The following GRIN2A variants were observed in gnomAD, a reference collection of about 807,000 sequenced individuals.
GRIN2A encodes the protein glutamate receptor ionotropic, NMDA 2A.
GRIN2A carries 22 observed loss-of-function variants against 113.4 expected under a neutral mutation model. The ratio of observed to expected loss-of-function variants is 0.19; its 90% confidence interval spans 0.14 to 0.28. The LOEUF is 0.28. GRIN2A is among the 10% of genes least tolerant of loss of function. GRIN2A has a pLI of 1.00. For synonymous variants in GRIN2A, 827 were observed against 738.4 expected (o/e 1.12, Z -1.94); for missense variants, 1,502 against 1,887.0 (o/e 0.80, Z 3.78).
At chr16:9,825,838 C>A (rs147534715) in intron 9 of GRIN2A, among the ~76,000 whole-genome samples, 27 of 152,228 alleles carry the variant, frequency 1.8e-4, no homozygotes, top group African/African-American at 6.5e-4. Flanking sequence ...CATTCCTGGG[C>A]TCATCCACTG....
chr16:9,883,802 A>G (rs1042940023), intron 4 of GRIN2A, among the ~76,000 whole-genome samples: 2 of 152,280 alleles, frequency 1.3e-5, no homozygotes, highest in Admixed American at 6.5e-5. Context: ...TCTGTGCAAA[A>G]TGCACCTGAA....
chr16:10,171,746 C>T (rs1291437360), intron 2 of GRIN2A, among the ~76,000 whole-genome samples: 1 of 152,188 alleles, frequency 6.6e-6, no homozygotes, highest in Admixed American at 6.5e-5. Context: ...GACACAATAA[C>T]AATAGCATTC....
chr16:9,880,412 A>C (rs1000030828), intron 4 of GRIN2A, among the ~76,000 whole-genome samples: 15 of 152,178 alleles, frequency 9.9e-5, no homozygotes, highest in African/African-American at 3.6e-4. Context: ...ACCCACGATT[A>C]CTTTTGCCCC....
intron 2 of GRIN2A, among the ~76,000 whole-genome samples, chr16:9,960,329 G>A (rs2045412322): frequency 6.6e-6 from 1 of 152,138 alleles, no homozygotes; most frequent in Non-Finnish European, 1.5e-5. Context: ...TAAATAAACA[G>A]ATAAAAAACT....
intron 2 of GRIN2A, among the ~76,000 whole-genome samples, chr16:10,086,311 A>C (rs1362542228): frequency 1.3e-5 from 2 of 152,176 alleles, no homozygotes; most frequent in South Asian, 2.1e-4. Context: ...GGCCACAGGA[A>C]TGCTCAACAG....
intron 2 of GRIN2A, among the ~76,000 whole-genome samples, chr16:9,985,539 C>A (rs2045964632): frequency 6.6e-6 from 1 of 151,418 alleles, no homozygotes; most frequent in South Asian, 2.1e-4. Context: ...TCATTTGCAA[C>A]AATATGGATG....
chr16:9,863,800 A>G (rs2043113747), intron 4 of GRIN2A, among the ~76,000 whole-genome samples: 1 of 152,208 alleles, frequency 6.6e-6, no homozygotes, highest in South Asian at 2.1e-4. Flanking sequence ...GGCCAACACA[A>G]CACAATTCTG....
intron 5 of GRIN2A, among the ~76,000 whole-genome samples, chr16:9,848,389 T>C (rs1181319745): frequency 6.6e-6 from 1 of 150,646 alleles, no homozygotes. Context: ...CTAATTTTTG[T>C]ACTTTTAAGA....
chr16:10,074,918 T>C (rs1343151325), intron 2 of GRIN2A, among the ~76,000 whole-genome samples: 1 of 152,224 alleles, frequency 6.6e-6, no homozygotes, highest in African/African-American at 2.4e-5. Flanking sequence ...AGACTAGGTA[T>C]CACTTATTGA....
intron 2 of GRIN2A, among the ~76,000 whole-genome samples, chr16:9,998,514 T>C (rs1354732468): frequency 6.6e-6 from 1 of 152,218 alleles, no homozygotes; most frequent in Non-Finnish European, 1.5e-5. Context: ...TGTCACTGAA[T>C]TGTACTCTTT....
intron 2 of GRIN2A, among the ~76,000 whole-genome samples, chr16:9,976,810 G>A (rs987155552): frequency 2.6e-5 from 4 of 152,172 alleles, no homozygotes; most frequent in Non-Finnish European, 4.4e-5. Flanking sequence ...ATCCCTCCGA[G>A]GGAAGCCACT....
At chr16:9,959,458 G>A (rs1260440715) in intron 2 of GRIN2A, among the ~76,000 whole-genome samples, 2 of 152,186 alleles carry the variant, frequency 1.3e-5, no homozygotes, top group Admixed American at 6.5e-5. Context: ...TGGCACCGAG[G>A]TTTTGGAATC....
At chr16:9,933,679 G>A (rs2044649107) in intron 3 of GRIN2A, among the ~76,000 whole-genome samples, 1 of 152,170 alleles carries the variant, frequency 6.6e-6, no homozygotes, top group South Asian at 2.1e-4. Context: ...ATCTAACACA[G>A]GCTACAGATA....
At chr16:10,084,744 C>CTTTATTTTTTA (rs2048053039) in intron 2 of GRIN2A, among the ~76,000 whole-genome samples, 1 of 147,024 alleles carries the variant, frequency 6.8e-6, no homozygotes, top group African/African-American at 2.5e-5. Context: ...CCACCTGACA[C>CTTTATTTTTTA]TTTATTTATT....
chr16:10,068,519 G>A (rs563932385), intron 2 of GRIN2A, among the ~76,000 whole-genome samples: 37 of 152,252 alleles, frequency 2.4e-4, no homozygotes, highest in Non-Finnish European at 4.0e-4. Flanking sequence ...AAAGTAACTC[G>A]GAGCAAGAGT....
At position 9,765,126 on chromosome 16, in the gene GRIN2A, A is replaced by AGCATAGG. The variant is rs1366848926; in HGVS notation, c.2596-185_2596-179dup. ...CTTAAAGGTATGAGACAAGTTGCAA[A>AGCATAGG]GCATAGGGTTTATCTTATTGCTCTG... On this transcript the variant is annotated intron_variant, in intron 12 of 12. Transcript: ENST00000330684. Among the ~76,000 whole-genome samples, 17 of 152,354 alleles carry AGCATAGG rather than the reference A, an allele frequency of 1.1e-4. No individual in the cohort carries two copies. The East Asian group carries it at 2.7e-3, about 24-fold the overall frequency.
intron 2 of GRIN2A, among the ~76,000 whole-genome samples, chr16:9,996,610 C>A (rs983370049): frequency 6.6e-6 from 1 of 152,194 alleles, no homozygotes; most frequent in Non-Finnish European, 1.5e-5. Flanking sequence ...CATTTGTCTA[C>A]ACATAATTTC....
At chr16:9,808,848 G>C (rs2042031371) in intron 10 of GRIN2A, among the ~76,000 whole-genome samples, 1 of 152,030 alleles carries the variant, frequency 6.6e-6, no homozygotes. Flanking sequence ...CACTTGTAGA[G>C]GTACACAGAG....
At chr16:10,083,629 T>C (rs989404579) in intron 2 of GRIN2A, among the ~76,000 whole-genome samples, 4 of 152,208 alleles carry the variant, frequency 2.6e-5, no homozygotes, top group Non-Finnish European at 5.9e-5. Flanking sequence ...CTTTACAATG[T>C]TCTTTTCTGC....
Sources: gnomAD v4.1 joint callset for allele counts (sites outside exome capture counted in the v4.1 genomes callset) on GRCh38, gnomAD v4.1.1 for gene constraint, MANE v1.5 for transcripts, NCBI Gene and HGNC (gene_info 2026-07-23, HGNC 2026-07-21) for gene names.